PACSIN2: variants seen among roughly 807,000 people sequenced by gnomAD.
PACSIN2 encodes the protein protein kinase C and casein kinase substrate in neurons 2, also known as protein kinase C and casein kinase substrate in neurons protein 2.
A neutral mutation model predicts 63.8 loss-of-function variants in PACSIN2; 25 were observed. The ratio of observed to expected loss-of-function variants is 0.39; its 90% CI spans 0.29 to 0.55. PACSIN2 has a LOEUF of 0.55. Ranked by LOEUF, PACSIN2 falls within the 20% of genes least tolerant of loss-of-function variation. The probability of loss-of-function intolerance (pLI) is 0.62; values close to 1 mark genes in which losing one functional copy is unlikely to be tolerated. For synonymous variants in PACSIN2, 255 were observed against 256.2 expected (o/e 1.00, Z 0.05); for missense variants, 518 against 646.9 (o/e 0.80, Z 2.16).
intron 1 of PACSIN2, among the ~76,000 whole-genome samples, chr22:42,968,734 AG>A (rs1180009361): frequency 4.6e-5 from 7 of 152,212 alleles, no homozygotes; most frequent in African/African-American, 1.7e-4. Flanking sequence ...AAACAGGAAA[AG>A]GGCAAATGTG....
chr22:42,893,322 T>G, intron 3 of PACSIN2, 135 bp downstream of exon 3: 1 of 887,986 alleles, frequency 1.1e-6, no homozygotes, highest in Non-Finnish European at 1.7e-6. Flanking sequence ...CACCCCGCTC[T>G]GGAACTGGGA....
At chr22:42,944,231 A>G (rs1023558830) in intron 1 of PACSIN2, among the ~76,000 whole-genome samples, 2 of 152,210 alleles carry the variant, frequency 1.3e-5, no homozygotes, top group African/African-American at 4.8e-5. Context: ...CAGCCATCCT[A>G]CAAGGGACAC....
At chr22:42,880,457 G>A (rs1196407653) in intron 7 of PACSIN2, among the ~76,000 whole-genome samples, 1 of 152,188 alleles carries the variant, frequency 6.6e-6, no homozygotes, top group Admixed American at 6.5e-5. Context: ...ACACCAAGCC[G>A]GCACTGATGG....
At chr22:42,997,841 ACTGCACCCCAGC>A (rs746746999) in intron 1 of PACSIN2, among the ~76,000 whole-genome samples, 4 of 152,112 alleles carry the variant, frequency 2.6e-5, no homozygotes, top group Non-Finnish European at 5.9e-5. Context: ...AGATCACACC[ACTGCACCCCAGC>A]CTGGGCGACA....
chr22:42,919,622 A>T (rs1807567), intron 1 of PACSIN2, among the ~76,000 whole-genome samples: 53,854 of 151,348 alleles, frequency 0.36, 10,781 homozygotes, highest in Non-Finnish European at 0.45. Context: ...AAAATACAAA[A>T]ATTAGCTGGG....
chr22:42,946,395 T>G (rs1172188379), intron 1 of PACSIN2, among the ~76,000 whole-genome samples: 2 of 152,126 alleles, frequency 1.3e-5, no homozygotes, highest in Admixed American at 1.3e-4. Flanking sequence ...AGGCACACAT[T>G]GGCCTCTGAG....
In PACSIN2 at chr22:42,883,351, T is replaced by C. The variant is rs114138895; in HGVS notation, c.785+1035A>G. 2.1e-3 allele frequency among the ~76,000 whole-genome samples: 313 copies of C among 152,350 alleles called. 1 individual carries two copies. The highest frequency in any genetic ancestry group is 7.2e-3 in the African/African-American group (301 of 41,584). ...GGCAGAGCAGCAGCGGTGCAGTAAC[T>C]GTTGCTTTTGATGATTGTTACACAG... On this transcript the variant is annotated intron_variant, in intron 6 of 10. Coordinates refer to ENST00000263246, the MANE Select transcript of PACSIN2 (RefSeq NM_001184970.3).
chr22:42,941,486 A>C (rs1405971590), intron 1 of PACSIN2, among the ~76,000 whole-genome samples: 1 of 152,210 alleles, frequency 6.6e-6, no homozygotes, highest in Non-Finnish European at 1.5e-5. Context: ...TGCTTTCCAA[A>C]GCAGGTGCAT....
intron 4 of PACSIN2, among the ~76,000 whole-genome samples, chr22:42,889,043 T>C (rs1235236673): frequency 6.6e-6 from 1 of 152,208 alleles, no homozygotes; most frequent in Non-Finnish European, 1.5e-5. Context: ...ACAAGGTCTT[T>C]GTGAAGCTTT....
intron 1 of PACSIN2, among the ~76,000 whole-genome samples, chr22:42,996,064 C>CA (rs1382800985): frequency 2.0e-5 from 3 of 151,592 alleles, no homozygotes; most frequent in Non-Finnish European, 4.4e-5. Context: ...ACTAAAAATA[C>CA]AAAAAATTAG....
intron 1 of PACSIN2, among the ~76,000 whole-genome samples, chr22:42,946,393 A>C (rs1167495314): frequency 6.6e-6 from 1 of 152,166 alleles, no homozygotes. Context: ...GGAGGCACAC[A>C]TTGGCCTCTG....
intron 1 of PACSIN2, among the ~76,000 whole-genome samples, chr22:42,982,772 G>C (rs1922273441): frequency 1.5e-5 from 2 of 136,948 alleles, no homozygotes; most frequent in South Asian, 5.0e-4. Context: ...GAAAACCAGA[G>C]ACCTTTGTTC....
intron 8 of PACSIN2, 68 bp downstream of exon 8, chr22:42,878,980 A>AC: frequency 6.4e-7 from 1 of 1,553,634 alleles, no homozygotes; most frequent in South Asian, 1.2e-5. Flanking sequence ...GCTGCCCTGG[A>AC]CCATGCAGAT....
intron 1 of PACSIN2, chr22:42,959,780 C>T (rs910308270): frequency 1.3e-5 from 2 of 152,198 alleles, no homozygotes; most frequent in African/African-American, 4.8e-5. Context: ...GAAATGCAAG[C>T]CTTCCACAGC....
chr22:43,002,433 A>T (rs1461633817), intron 1 of PACSIN2: 1 of 152,208 alleles, frequency 6.6e-6, no homozygotes, highest in African/African-American at 2.4e-5. Context: ...TTCCTTGCTC[A>T]TCAAAGTATG....
intron 1 of PACSIN2, among the ~76,000 whole-genome samples, chr22:43,002,099 A>G (rs1923804824): frequency 6.6e-6 from 1 of 152,232 alleles, no homozygotes; most frequent in South Asian, 2.1e-4. Context: ...CACCAGTGCT[A>G]TAAACTTCCC....
chr22:42,939,736 G>A (rs1933065504), intron 1 of PACSIN2, among the ~76,000 whole-genome samples: 1 of 152,192 alleles, frequency 6.6e-6, no homozygotes, highest in South Asian at 2.1e-4. Context: ...GTCACTTCCT[G>A]CCAGCCTGTT....
chr22:42,934,183 T>G (rs1932841817), intron 1 of PACSIN2, among the ~76,000 whole-genome samples: 1 of 152,090 alleles, frequency 6.6e-6, no homozygotes, highest in South Asian at 2.1e-4. Context: ...GAGATGGGAG[T>G]ATGGAAACGT....
chr22:43,014,489 G>A (rs1024027897), intron 1 of PACSIN2, among the ~76,000 whole-genome samples: 41 of 151,278 alleles, frequency 2.7e-4, no homozygotes, highest in Admixed American at 3.9e-4. Context: ...CCAGGACTAA[G>A]CCCTGCCCTC....
Sources: gnomAD v4.1 joint callset for allele counts (sites outside exome capture counted in the v4.1 genomes callset) on GRCh38, gnomAD v4.1.1 for gene constraint, MANE v1.5 for transcripts, NCBI Gene and HGNC (gene_info 2026-07-23, HGNC 2026-07-21) for gene names.